Variants in CNTNAP2 observed in about 807,000 individuals in gnomAD.
CNTNAP2 encodes contactin-associated protein-like 2.
CNTNAP2 carries 98 observed loss-of-function variants against 155.2 expected under a neutral mutation model. That is an observed-to-expected ratio of 0.63 (90% CI 0.54 to 0.75). The LOEUF is 0.75. CNTNAP2 is among the 30% of genes least tolerant of loss of function. The pLI is 0.00. For synonymous variants in CNTNAP2, 651 were observed against 631.2 expected (o/e 1.03, Z -0.47); for missense variants, 1,727 against 1,688.1 (o/e 1.02, Z -0.40).
chr7:146,353,784 CAAT>C (rs564677532), intron 1 of CNTNAP2, among the ~76,000 whole-genome samples: 12 of 150,846 alleles, frequency 8.0e-5, no homozygotes, highest in African/African-American at 1.5e-4. Flanking sequence ...CCTATTAAAA[CAAT>C]AATAATAATA....
chr7:147,577,261 GT>G (rs769079190), intron 12 of CNTNAP2, among the ~76,000 whole-genome samples: 3 of 151,968 alleles, frequency 2.0e-5, no homozygotes, highest in Non-Finnish European at 2.9e-5. Context: ...TTAAGCATTA[GT>G]TTTCTTTACA....
chr7:147,744,658 C>G (rs1326631442), intron 13 of CNTNAP2, among the ~76,000 whole-genome samples: 1 of 152,182 alleles, frequency 6.6e-6, no homozygotes, highest in Non-Finnish European at 1.5e-5. Flanking sequence ...AGCCCAAGAT[C>G]AAAGTACCCT....
chr7:147,283,361 T>C (rs1016014685), intron 8 of CNTNAP2, among the ~76,000 whole-genome samples: 1 of 151,904 alleles, frequency 6.6e-6, no homozygotes, highest in Admixed American at 6.6e-5. Context: ...AACTAGTGTC[T>C]ATATCAAGAA....
In CNTNAP2 at chr7:147,728,189, G is replaced by T. The variant is rs6957387; in HGVS notation, c.2098+88883G>T. ...ACACACACAATGTGTGTGTGTGTGT[G>T]TGTGTGTGATCAATTCTTTCAGCTT... On this transcript the variant is annotated intron_variant, in intron 13 of 23. Coordinates refer to ENST00000361727, the MANE Select transcript of CNTNAP2 (RefSeq NM_014141.6). Among the ~76,000 whole-genome samples, 6 of 32,452 alleles carry T rather than the reference G, an allele frequency of 1.8e-4. No individual in the cohort carries two copies. In the East Asian group the frequency reaches 0.037, roughly 198 times the overall value. The allele number at this position is 32,452 out of a possible 152,430, so 21.3% of individuals were successfully genotyped here. A position where few individuals can be genotyped will look rare whatever the true frequency, so the allele number is the denominator to read the frequency against.
At chr7:146,748,804 G>T (rs1023888676) in intron 1 of CNTNAP2, among the ~76,000 whole-genome samples, 2 of 152,046 alleles carry the variant, frequency 1.3e-5, no homozygotes, top group South Asian at 4.1e-4. Flanking sequence ...ATTCAAATTG[G>T]GTAGCAGACT....
chr7:146,516,355 A>G (rs1339706551), intron 1 of CNTNAP2, among the ~76,000 whole-genome samples: 2 of 151,988 alleles, frequency 1.3e-5, no homozygotes, highest in African/African-American at 4.8e-5. Flanking sequence ...CCAGAATATA[A>G]CTCTAGAAAT....
At chr7:147,602,854 G>A (rs973361107) in intron 12 of CNTNAP2, among the ~76,000 whole-genome samples, 5 of 151,420 alleles carry the variant, frequency 3.3e-5, no homozygotes, top group Non-Finnish European at 4.4e-5. Context: ...ATTCCATGGT[G>A]TATATGTGCC....
At chr7:148,110,059 A>G (rs1276359070) in intron 15 of CNTNAP2, among the ~76,000 whole-genome samples, 1 of 148,554 alleles carries the variant, frequency 6.7e-6, no homozygotes, top group Non-Finnish European at 1.5e-5. Flanking sequence ...GAATTCCTTC[A>G]TTATCTTGCC....
chr7:146,551,176 C>T (rs10261791), intron 1 of CNTNAP2, among the ~76,000 whole-genome samples: 5,625 of 151,986 alleles, frequency 0.037, 360 homozygotes, highest in African/African-American at 0.13. Context: ...ATAGTACGAA[C>T]GTCCTGCTCA....
chr7:148,203,328 T>C (rs1011416337), intron 18 of CNTNAP2, among the ~76,000 whole-genome samples: 2 of 152,174 alleles, frequency 1.3e-5, no homozygotes, highest in African/African-American at 2.4e-5. Context: ...AAATAAAAAG[T>C]CAAATAAAAC....
At chr7:146,611,033 T>C (rs996677578) in intron 1 of CNTNAP2, among the ~76,000 whole-genome samples, 2 of 152,248 alleles carry the variant, frequency 1.3e-5, no homozygotes, top group African/African-American at 2.4e-5. Context: ...ATAACATTTA[T>C]GATTTAATGA....
chr7:148,331,886 G>T (rs1159053071), intron 21 of CNTNAP2, among the ~76,000 whole-genome samples: 1 of 152,084 alleles, frequency 6.6e-6, no homozygotes, highest in Non-Finnish European at 1.5e-5. Flanking sequence ...GATCACGTTC[G>T]GTAAGTTGTG....
chr7:146,743,531 C>T (rs1286661472), intron 1 of CNTNAP2, among the ~76,000 whole-genome samples: 1 of 150,496 alleles, frequency 6.6e-6, no homozygotes, highest in African/African-American at 2.4e-5. Context: ...TTTGGAAGCT[C>T]TAGAGTAATT....
chr7:147,849,986 G>A (rs560512034), intron 13 of CNTNAP2: 1 of 152,164 alleles, frequency 6.6e-6, no homozygotes, highest in Non-Finnish European at 1.5e-5. Flanking sequence ...TGAGACTTCA[G>A]TATCTAGCTT....
chr7:147,144,380 C>T (rs1801658551), intron 8 of CNTNAP2, among the ~76,000 whole-genome samples: 1 of 152,184 alleles, frequency 6.6e-6, no homozygotes, highest in African/African-American at 2.4e-5. Context: ...GACCATACAG[C>T]ATACACATAC....
intron 18 of CNTNAP2, among the ~76,000 whole-genome samples, chr7:148,177,202 G>A (rs935900707): frequency 6.6e-6 from 1 of 152,176 alleles, no homozygotes; most frequent in Non-Finnish European, 1.5e-5. Flanking sequence ...AGAATACAAC[G>A]TTGTTTGGAA....
At chr7:148,243,922 C>T (rs1796205954) in intron 20 of CNTNAP2, among the ~76,000 whole-genome samples, 1 of 152,120 alleles carries the variant, frequency 6.6e-6, no homozygotes, top group Non-Finnish European at 1.5e-5. Flanking sequence ...TATGAGACTG[C>T]GCCAGCACAG....
chr7:147,540,097 G>A (rs978417546), intron 11 of CNTNAP2, among the ~76,000 whole-genome samples: 3 of 152,116 alleles, frequency 2.0e-5, no homozygotes, highest in African/African-American at 4.8e-5. Context: ...TCCTTCAAAT[G>A]TTCTGCATTA....
At position 146,489,747 on chromosome 7, in the gene CNTNAP2, T is replaced by G. The variant is rs552405242; in HGVS notation, c.98-284524T>G. ...AGGGTGAAGATGGGTGGAGAGGAATTTTATTGAGCAAGGGAATAGCTCTCA... is the reference window on the plus strand; with the variant it reads ...AGGGTGAAGATGGGTGGAGAGGAATGTTATTGAGCAAGGGAATAGCTCTCA... On this transcript the variant is annotated intron_variant, in intron 1 of 23. Coordinates refer to ENST00000361727, the MANE Select transcript of CNTNAP2 (RefSeq NM_014141.6). 7.2e-5 allele frequency among the ~76,000 whole-genome samples: 11 copies of G among 152,184 alleles called. No individual in the cohort carries two copies. In the East Asian group the frequency reaches 1.9e-3, roughly 27 times the overall value.
Sources: allele counts gnomAD v4.1 joint callset (sites outside exome capture counted in the v4.1 genomes callset), GRCh38; gene constraint gnomAD v4.1.1; transcripts MANE v1.5; gene names NCBI Gene and HGNC (gene_info 2026-07-23, HGNC 2026-07-21).